SRPK2: variants seen among roughly 807,000 people sequenced by gnomAD.
SRPK2 encodes the protein SFRS protein kinase 2.
SRPK2 carries 21 observed loss-of-function variants against 90.8 expected under a neutral mutation model. The observed-to-expected ratio is 0.23, with a 90% CI of 0.16 to 0.33. SRPK2 has a LOEUF of 0.33. SRPK2 is among the 10% of genes least tolerant of loss of function. The probability of loss-of-function intolerance (pLI) is 1.00; values close to 1 mark genes in which losing one functional copy is unlikely to be tolerated. For missense variants in SRPK2, 620 were observed against 869.0 expected (o/e 0.71, Z 3.60); for synonymous variants, 288 against 311.1 (o/e 0.93, Z 0.78).
At chr7:105,263,717 C>A (rs1466483359) in intron 2 of SRPK2, among the ~76,000 whole-genome samples, 2 of 151,852 alleles carry the variant, frequency 1.3e-5, no homozygotes, top group Non-Finnish European at 2.9e-5. Context: ...CTAGGCTTGG[C>A]AAAGATTTCT....
intron 2 of SRPK2, among the ~76,000 whole-genome samples, chr7:105,290,808 G>A (rs1209954714): frequency 2.6e-5 from 4 of 151,460 alleles, no homozygotes; most frequent in Admixed American, 2.6e-4. Context: ...GGAGGCCGAG[G>A]CGGGTGGATC....
intron 2 of SRPK2, among the ~76,000 whole-genome samples, chr7:105,363,523 AAAC>A (rs1818675087): frequency 6.6e-6 from 1 of 152,214 alleles, no homozygotes; most frequent in Non-Finnish European, 1.5e-5. Context: ...AAAAGTCAGG[AAAC>A]AACACGTGCT....
intron 3 of SRPK2, among the ~76,000 whole-genome samples, chr7:105,195,483 T>C (rs766716461): frequency 2.6e-5 from 4 of 152,224 alleles, no homozygotes; most frequent in African/African-American, 4.8e-5. Flanking sequence ...CACCACAAAT[T>C]TCTCACACTC....
At chr7:105,258,110 C>CAAAAAAAAAA in intron 2 of SRPK2, among the ~76,000 whole-genome samples, 1 of 145,844 alleles carries the variant, frequency 6.9e-6, no homozygotes, top group Non-Finnish European at 1.5e-5. Context: ...TCTCCAAAAA[C>CAAAAAAAAAA]AAAAAAAAAA....
intron 2 of SRPK2, among the ~76,000 whole-genome samples, chr7:105,223,021 G>C (rs1439656166): frequency 6.6e-6 from 1 of 152,068 alleles, no homozygotes; most frequent in African/African-American, 2.4e-5. Flanking sequence ...TTCCTACTGA[G>C]ACAATTACTC....
intron 2 of SRPK2, among the ~76,000 whole-genome samples, chr7:105,242,901 A>C (rs1256002765): frequency 6.6e-6 from 1 of 152,256 alleles, no homozygotes; most frequent in African/African-American, 2.4e-5. Context: ...AAAGCTTACC[A>C]CAGAAGTAGC....
intron 2 of SRPK2, among the ~76,000 whole-genome samples, chr7:105,235,585 G>C (rs1275185589): frequency 6.6e-6 from 1 of 151,890 alleles, no homozygotes; most frequent in Non-Finnish European, 1.5e-5. Flanking sequence ...TTTTCCATTT[G>C]GTTTTATACA....
intron 2 of SRPK2, among the ~76,000 whole-genome samples, chr7:105,313,759 G>A (rs1007182683): frequency 1.3e-5 from 2 of 151,430 alleles, no homozygotes; most frequent in East Asian, 1.9e-4. Context: ...TCAAAAAAAA[G>A]CAAGAGACAT....
chr7:105,181,017 C>CATAT (rs1306558171), intron 3 of SRPK2, among the ~76,000 whole-genome samples: 4 of 152,116 alleles, frequency 2.6e-5, no homozygotes, highest in African/African-American at 4.8e-5. Flanking sequence ...AACTTAAACA[C>CATAT]ATATACAAGC....
intron 3 of SRPK2, among the ~76,000 whole-genome samples, chr7:105,180,445 A>G (rs1403408543): frequency 2.0e-5 from 3 of 152,290 alleles, no homozygotes; most frequent in South Asian, 4.1e-4. Context: ...AGTTAAATGT[A>G]CAACCTAAAA....
At chr7:105,135,108 T>C (rs1351953472) in intron 11 of SRPK2, among the ~76,000 whole-genome samples, 2 of 152,268 alleles carry the variant, frequency 1.3e-5, no homozygotes, top group African/African-American at 4.8e-5. Flanking sequence ...TAGACATGAC[T>C]AGATGAATGC....
At chr7:105,369,754 A>C (rs1188169761) in intron 2 of SRPK2, among the ~76,000 whole-genome samples, 2 of 152,192 alleles carry the variant, frequency 1.3e-5, no homozygotes, top group Non-Finnish European at 2.9e-5. Context: ...AAGGCCGGGC[A>C]CAGTGGCTCA....
At chr7:105,265,650 A>C (rs1483021739) in intron 2 of SRPK2, among the ~76,000 whole-genome samples, 1 of 152,158 alleles carries the variant, frequency 6.6e-6, no homozygotes, top group Non-Finnish European at 1.5e-5. Context: ...ATTCACATTT[A>C]TTACTGTAAA....
chr7:105,387,852 A>G (rs1319095116), intron 2 of SRPK2, among the ~76,000 whole-genome samples: 1 of 152,190 alleles, frequency 6.6e-6, no homozygotes, highest in African/African-American at 2.4e-5. Context: ...GCTCTCCAGG[A>G]AAGGGTTCTT....
intron 7 of SRPK2, among the ~76,000 whole-genome samples, chr7:105,157,983 T>C (rs1806781378): frequency 6.6e-6 from 1 of 152,138 alleles, no homozygotes; most frequent in Non-Finnish European, 1.5e-5. Context: ...GGAGGATCAC[T>C]AGAGCCCAGG....
intron 2 of SRPK2, chr7:105,268,803 T>C (rs371412846): frequency 1.9e-5 from 30 of 1,598,292 alleles, no homozygotes; most frequent in Non-Finnish European, 2.4e-5. Flanking sequence ...GATGTAGCTG[T>C]ACCTTTCTGA....
chr7:105,291,542 A>G (rs2131040531), intron 2 of SRPK2, among the ~76,000 whole-genome samples: 2 of 152,218 alleles, frequency 1.3e-5, no homozygotes, highest in South Asian at 4.1e-4. Flanking sequence ...CAGCCTGGCC[A>G]ATATGGTGAA....
chr7:105,270,375 ACT>A (rs1469095143), intron 2 of SRPK2, among the ~76,000 whole-genome samples: 1 of 147,918 alleles, frequency 6.8e-6, no homozygotes, highest in Non-Finnish European at 1.5e-5. Context: ...CAGAGCTCAG[ACT>A]CTGCCTTGGA....
intron 10 of SRPK2, among the ~76,000 whole-genome samples, chr7:105,142,703 T>C (rs757636867): frequency 5.9e-5 from 9 of 152,184 alleles, no homozygotes; most frequent in Non-Finnish European, 1.2e-4. Flanking sequence ...AAAAGTTAGC[T>C]TTAAGGGAAA....
Sources: allele counts gnomAD v4.1 joint callset (sites outside exome capture counted in the v4.1 genomes callset), GRCh38; gene constraint gnomAD v4.1.1; transcripts MANE v1.5; gene names NCBI Gene and HGNC (gene_info 2026-07-23, HGNC 2026-07-21).